Variants in MAGI1 observed in about 807,000 individuals in gnomAD.
The protein encoded by MAGI1 is membrane associated guanylate kinase, WW and PDZ domain containing 1, also known as membrane-associated guanylate kinase, WW and PDZ domain-containing protein 1.
In MAGI1, 58 loss-of-function variants were observed where a neutral mutation model predicts 139.9. That is an observed-to-expected ratio of 0.41 (90% CI 0.34 to 0.52). MAGI1 has a LOEUF of 0.52. Among genes scored for constraint, MAGI1 ranks in the 20% least tolerant of loss-of-function variants. The pLI is 0.12. For missense variants in MAGI1, 1,874 were observed against 1,901.6 expected (o/e 0.99, Z 0.27); for synonymous variants, 812 against 737.9 (o/e 1.10, Z -1.63).
intron 13 of MAGI1, among the ~76,000 whole-genome samples, chr3:65,399,903 C>T (rs887506694): frequency 2.0e-5 from 3 of 152,162 alleles, no homozygotes; most frequent in African/African-American, 7.2e-5. Flanking sequence ...TGACGTCATG[C>T]TACCTGTGCA....
chr3:65,935,575 G>A (rs1028895203), intron 1 of MAGI1, among the ~76,000 whole-genome samples: 3 of 152,312 alleles, frequency 2.0e-5, no homozygotes, highest in South Asian at 2.1e-4. Flanking sequence ...TGAGCCATGA[G>A]GCTGCTACTG....
At chr3:65,566,702 C>T (rs1286617286) in intron 2 of MAGI1, among the ~76,000 whole-genome samples, 3 of 152,016 alleles carry the variant, frequency 2.0e-5, no homozygotes, top group African/African-American at 7.2e-5. Context: ...AATAAATAAC[C>T]CAAAAGACAA....
chr3:65,664,856 G>GT (rs1300128563), intron 1 of MAGI1, among the ~76,000 whole-genome samples: 1 of 151,992 alleles, frequency 6.6e-6, no homozygotes, highest in African/African-American at 2.4e-5. Flanking sequence ...CTTTTTGATG[G>GT]TAATTTCTCT....
At chr3:65,625,831 C>A (rs1161878165) in intron 1 of MAGI1, among the ~76,000 whole-genome samples, 6 of 152,148 alleles carry the variant, frequency 3.9e-5, no homozygotes, top group Non-Finnish European at 8.8e-5. Context: ...TCTAGTGTTT[C>A]TAGAAGTGAA....
intron 2 of MAGI1, among the ~76,000 whole-genome samples, chr3:65,583,528 G>A (rs1450927855): frequency 2.0e-5 from 3 of 151,908 alleles, no homozygotes; most frequent in Non-Finnish European, 4.4e-5. Context: ...ATTTCTTACT[G>A]ACAGCAGGGA....
chr3:65,475,283 G>A (rs1423514880), intron 4 of MAGI1, among the ~76,000 whole-genome samples: 3 of 151,876 alleles, frequency 2.0e-5, no homozygotes, highest in South Asian at 4.2e-4. Context: ...GTGCAGCCTC[G>A]GCTCACTGCA....
intron 2 of MAGI1, among the ~76,000 whole-genome samples, chr3:65,596,563 C>G (rs1287724650): frequency 6.6e-6 from 1 of 152,194 alleles, no homozygotes; most frequent in Non-Finnish European, 1.5e-5. Context: ...TAATTTAGTT[C>G]AGGCACAAAT....
In MAGI1 at chr3:65,356,541, C is replaced by T. The variant is rs1471775161; in HGVS notation, c.4226G>A (p.Arg1409His). The change falls in exon 23 of 23, where the codon CGC becomes CAC. Residue 1409 changes from arginine (R) to histidine (H), a missense_variant. Transcript: ENST00000402939. ...TTTGTCCAGGGACCGCTCTCTCCTG[C>T]GCTCGGGGGAGCGTGCGCGCCTCCG... ...TDRRRARSPE[R>H]RRERSLDKRN... The T allele has an allele frequency of 7.5e-6, 12 of 1,609,656 alleles. No homozygotes were observed. Among genetic ancestry groups the T allele is most frequent in the Non-Finnish European group, 1.0e-5 (12 of 1,179,774 alleles).
intron 5 of MAGI1, among the ~76,000 whole-genome samples, chr3:65,464,754 T>G (rs1191378590): frequency 6.6e-6 from 1 of 152,092 alleles, no homozygotes; most frequent in African/African-American, 2.4e-5. Context: ...TTTAGTTCAC[T>G]TTATTAAATG....
chr3:65,579,419 T>C (rs1039706538), intron 2 of MAGI1, among the ~76,000 whole-genome samples: 1 of 152,168 alleles, frequency 6.6e-6, no homozygotes, highest in African/African-American at 2.4e-5. Flanking sequence ...GCCCTATGAC[T>C]ACCAGATACA....
At chr3:65,801,448 G>A (rs999053873) in intron 1 of MAGI1, among the ~76,000 whole-genome samples, 1 of 151,876 alleles carries the variant, frequency 6.6e-6, no homozygotes, top group Non-Finnish European at 1.5e-5. Context: ...TTCCATCAAA[G>A]TGATGACCAA....
chr3:66,026,245 C>G (rs753245480), intron 1 of MAGI1, among the ~76,000 whole-genome samples: 1 of 152,004 alleles, frequency 6.6e-6, no homozygotes, highest in Non-Finnish European at 1.5e-5. Context: ...AAGCAACAGG[C>G]GCAAGCAGAT....
chr3:65,474,337 G>A (rs963539138), intron 4 of MAGI1, among the ~76,000 whole-genome samples: 2 of 152,118 alleles, frequency 1.3e-5, no homozygotes, highest in African/African-American at 4.8e-5. Flanking sequence ...CTTACTAAAG[G>A]TTACCAGTGA....
At chr3:65,921,836 G>A (rs1346625876) in intron 1 of MAGI1, among the ~76,000 whole-genome samples, 1 of 151,600 alleles carries the variant, frequency 6.6e-6, no homozygotes, top group Admixed American at 6.6e-5. Flanking sequence ...AGCCCAGGAG[G>A]TTGAGGCTGC....
At chr3:65,564,684 G>A (rs1383077038) in intron 2 of MAGI1, among the ~76,000 whole-genome samples, 2 of 152,148 alleles carry the variant, frequency 1.3e-5, no homozygotes, top group East Asian at 1.9e-4. Flanking sequence ...CAATAGCAAC[G>A]GAAAGATTTA....
At chr3:65,606,703 A>T (rs530967624) in intron 2 of MAGI1, among the ~76,000 whole-genome samples, 7 of 152,246 alleles carry the variant, frequency 4.6e-5, no homozygotes, top group East Asian at 1.9e-4. Context: ...TTTTCAGTAG[A>T]GATGGGGTTT....
At chr3:65,908,217 A>G (rs1560000913) in intron 1 of MAGI1, among the ~76,000 whole-genome samples, 2 of 152,274 alleles carry the variant, frequency 1.3e-5, no homozygotes, top group South Asian at 4.1e-4. Context: ...ATACGCAGAA[A>G]ATGTCTACGA....
intron 1 of MAGI1, among the ~76,000 whole-genome samples, chr3:65,945,901 T>A (rs1347313359): frequency 6.6e-6 from 1 of 152,232 alleles, no homozygotes; most frequent in African/African-American, 2.4e-5. Flanking sequence ...GACAGAGCAG[T>A]GGCTAAAGGC....
chr3:65,691,164 G>T (rs182549731), intron 1 of MAGI1, among the ~76,000 whole-genome samples: 25 of 151,900 alleles, frequency 1.6e-4, no homozygotes, highest in Non-Finnish European at 2.5e-4. Flanking sequence ...TTAGCCGGGC[G>T]TGGTGGCGGG....
Sources: gnomAD v4.1 joint callset for allele counts (sites outside exome capture counted in the v4.1 genomes callset) on GRCh38, gnomAD v4.1.1 for gene constraint, MANE v1.5 for transcripts, NCBI Gene and HGNC (gene_info 2026-07-23, HGNC 2026-07-21) for gene names.